The following SRGAP1 variants were observed in gnomAD, a reference collection of about 807,000 sequenced individuals.
SRGAP1 encodes the protein SLIT-ROBO Rho GTPase-activating protein 1.
SRGAP1 carries 43 observed loss-of-function variants against 121.9 expected under a neutral mutation model. That is an observed-to-expected ratio of 0.35 (90% CI 0.28 to 0.46). SRGAP1 has a LOEUF of 0.46. Ranked by LOEUF, SRGAP1 falls within the 20% of genes least tolerant of loss-of-function variation. The pLI is 1.00. For missense variants in SRGAP1, 1,102 were observed against 1,350.9 expected, an observed-to-expected ratio of 0.82 and a Z score of 2.89; for synonymous variants, 447 against 485.4, an observed-to-expected ratio of 0.92 and a Z score of 1.04.
intron 10 of SRGAP1, among the ~76,000 whole-genome samples, chr12:64,084,434 T>A (rs1462023864): frequency 6.6e-6 from 1 of 152,182 alleles, no homozygotes; most frequent in African/African-American, 2.4e-5. Context: ...GCTGGAAGCT[T>A]TCACATTTCT....
intron 6 of SRGAP1, among the ~76,000 whole-genome samples, chr12:64,050,180 T>G (rs1316452060): frequency 6.6e-6 from 1 of 152,196 alleles, no homozygotes; most frequent in Non-Finnish European, 1.5e-5. Context: ...CTTGATTTCT[T>G]TTTCAGATTA....
intron 1 of SRGAP1, among the ~76,000 whole-genome samples, chr12:63,969,117 A>G (rs1251913868): frequency 6.6e-6 from 1 of 152,202 alleles, no homozygotes; most frequent in Admixed American, 6.5e-5. Context: ...GATGGACTCC[A>G]CCTGTTTTTA....
intron 1 of SRGAP1, among the ~76,000 whole-genome samples, chr12:63,967,988 A>T (rs898619755): frequency 8.5e-5 from 13 of 152,224 alleles, no homozygotes; most frequent in African/African-American, 2.7e-4. Flanking sequence ...ATGCTAGGAA[A>T]CTAGTGTGAG....
intron 21 of SRGAP1, among the ~76,000 whole-genome samples, chr12:64,138,018 A>T (rs2036886786): frequency 6.6e-6 from 1 of 150,650 alleles, no homozygotes; most frequent in Non-Finnish European, 1.5e-5. Context: ...ACCATTTTTA[A>T]ATGTATAGTT....
Position 64,149,090 on chromosome 12 carries a change from ATATTTATTTTAG to A in SRGAP1, c.*6424_*6435del, listed in dbSNP as rs1452367261. On this transcript the variant is annotated 3_prime_UTR_variant, in exon 22 of 22. Transcript: ENST00000355086. ...CCATTACATGAATATGCTCAATATT[ATATTTATTTTAG>A]TATTTCCTGATTAAACTTTGGGTAG... The A allele has an allele frequency of 6.6e-6, 1 of 152,226 alleles. No individual in the cohort carries two copies. The highest frequency in any genetic ancestry group is 1.5e-5 in the Non-Finnish European group (1 of 68,048). 9.4% of individuals were successfully genotyped at this position (152,226 alleles called of 1,614,324 possible).
intron 1 of SRGAP1, among the ~76,000 whole-genome samples, chr12:63,957,224 G>A (rs893361779): frequency 6.6e-6 from 1 of 152,210 alleles, no homozygotes; most frequent in Admixed American, 6.5e-5. Context: ...TGAAGATCGT[G>A]AATCACAGGC....
chr12:64,069,834 T>G (rs1012803655), intron 8 of SRGAP1, among the ~76,000 whole-genome samples: 1 of 152,104 alleles, frequency 6.6e-6, no homozygotes, highest in African/African-American at 2.4e-5. Flanking sequence ...AATAACTATT[T>G]TGAATTATTC....
At chr12:63,940,907 T>C (rs1352174380) in intron 1 of SRGAP1, among the ~76,000 whole-genome samples, 1 of 152,172 alleles carries the variant, frequency 6.6e-6, no homozygotes, top group Non-Finnish European at 1.5e-5. Context: ...ACTAGCCGCT[T>C]ATCATTGCCA....
rs2037120125 is a variant in SRGAP1 at position 64,151,502 on chromosome 12, T to C, written c.*8830T>C. 6.6e-6 allele frequency: 1 copy of C among 152,182 alleles called. No individual in the cohort carries two copies. The highest frequency in any genetic ancestry group is 2.4e-5 in the African/African-American group (1 of 41,436). 9.4% of individuals were successfully genotyped at this position (152,182 alleles called of 1,614,324 possible). ...TGTGTTTGGATCATAAAGTTAGCATTGACTCCAAAAAGTGAAATCACTGGG... is the reference window on the plus strand; with the variant it reads ...TGTGTTTGGATCATAAAGTTAGCATCGACTCCAAAAAGTGAAATCACTGGG... On this transcript the variant is annotated 3_prime_UTR_variant, in exon 22 of 22. Transcript: ENST00000355086.
intron 1 of SRGAP1, among the ~76,000 whole-genome samples, chr12:63,947,107 T>C (rs1163957292): frequency 6.6e-6 from 1 of 152,230 alleles, no homozygotes; most frequent in Non-Finnish European, 1.5e-5. Flanking sequence ...CACATTTGTG[T>C]ACAAGTCATT....
rs2136594616 is a variant in SRGAP1 at position 64,097,293 on chromosome 12, T to C, written c.1731T>C (p.Ala577=). Reference sequence around the variant, plus strand: ...GTAACCATGATATTAACTCAGTTGCTGGCGTTCTGAAGCTCTATTTCCGTG... The same window carrying C: ...GTAACCATGATATTAACTCAGTTGCCGGCGTTCTGAAGCTCTATTTCCGTG... ...DQSNHDINSV[A]GVLKLYFRGL... The change falls in exon 15 of 22, where the codon GCT becomes GCC. Residue 577 remains alanine (A), a synonymous_variant. Transcript: ENST00000355086. 6.2e-7 allele frequency: 1 copy of C among 1,613,432 alleles called. No homozygotes were observed. Among genetic ancestry groups the C allele is most frequent in the Non-Finnish European group, 8.5e-7 (1 of 1,179,892 alleles).
chr12:63,912,750 G>A (rs2030560839), intron 1 of SRGAP1, among the ~76,000 whole-genome samples: 1 of 152,150 alleles, frequency 6.6e-6, no homozygotes, highest in Admixed American at 6.6e-5. Context: ...TTTCCCATCT[G>A]AAAACTCTAG....
intron 3 of SRGAP1, among the ~76,000 whole-genome samples, chr12:64,010,147 C>T (rs1158363338): frequency 6.6e-6 from 1 of 152,084 alleles, no homozygotes; most frequent in East Asian, 1.9e-4. Context: ...CATCTGAAAC[C>T]CTCTCAGTAA....
chr12:63,869,918 G>A (rs1899791144), intron 1 of SRGAP1, among the ~76,000 whole-genome samples: 1 of 151,994 alleles, frequency 6.6e-6, no homozygotes, highest in Non-Finnish European at 1.5e-5. Flanking sequence ...TTACAGATAG[G>A]GAAAAAGAAA....
chr12:63,972,640 A>G (rs1319515833), intron 1 of SRGAP1, among the ~76,000 whole-genome samples: 3 of 152,186 alleles, frequency 2.0e-5, no homozygotes, highest in African/African-American at 4.8e-5. Flanking sequence ...TGTTATTTGT[A>G]TTCAAGGATC....
intron 1 of SRGAP1, among the ~76,000 whole-genome samples, chr12:63,934,815 T>C (rs2031608511): frequency 6.6e-6 from 1 of 152,210 alleles, no homozygotes; most frequent in African/African-American, 2.4e-5. Context: ...GTTCTACATA[T>C]TTTCATTGAT....
In SRGAP1 at chr12:64,147,942, A is replaced by G. The variant is rs2271485; in HGVS notation, c.*5270A>G. On this transcript the variant is annotated 3_prime_UTR_variant, in exon 22 of 22. Coordinates refer to ENST00000355086, the MANE Select transcript of SRGAP1 (RefSeq NM_020762.4). The stretch of plus-strand genomic sequence containing the variant: ...CAGCTAGCTTGCATTAAATAATGTG[A>G]AACTTTTACCTTTAAAATATTTTTT... 2,227 of 331,784 alleles carry G rather than the reference A, an allele frequency of 6.7e-3. 40 individuals are homozygous for G. Among genetic ancestry groups the G allele is most frequent in the East Asian group, 0.042 (910 of 21,818 alleles). The allele number at this position is 331,784 out of a possible 1,614,324, so 20.6% of individuals were successfully genotyped here.
rs543399375 is a variant in SRGAP1, at chr12:63,941,676, G to GA, written c.68-42256dup. Among the ~76,000 whole-genome samples, 308 of 117,404 alleles carry GA rather than the reference G, an allele frequency of 2.6e-3. 1 individual carries two copies. The highest frequency in any genetic ancestry group is 5.0e-3 in the East Asian group (17 of 3,370). The allele number at this position is 117,404 out of a possible 152,430, so 77.0% of individuals were successfully genotyped here. On this transcript the variant is annotated intron_variant, in intron 1 of 21. Transcript: ENST00000355086. ...GCTCCTCCTCCTAACATGCCAGTTA[G>GA]AAAAAAAAAAAAAAAGGACTTGATC...
chr12:64,080,202 C>G, intron 9 of SRGAP1, 84 bp from the exon 10 acceptor site: 1 of 1,129,770 alleles, frequency 8.9e-7, no homozygotes, highest in Non-Finnish European at 1.2e-6. Flanking sequence ...AAGATCGCGC[C>G]ACTGCACTCC....
Sources: gnomAD v4.1 joint callset for allele counts (sites outside exome capture counted in the v4.1 genomes callset) on GRCh38, gnomAD v4.1.1 for gene constraint, MANE v1.5 for transcripts, NCBI Gene and HGNC (gene_info 2026-07-23, HGNC 2026-07-21) for gene names.